Variants in KCNIP4 observed in about 807,000 individuals in gnomAD.
The protein encoded by KCNIP4 is potassium voltage-gated channel interacting protein 4, also known as Kv channel-interacting protein 4.
In KCNIP4, 12 loss-of-function variants were observed where a neutral mutation model predicts 34.0. The ratio of observed to expected loss-of-function variants is 0.35; its 90% CI spans 0.23 to 0.57. The LOEUF is 0.57. KCNIP4 is among the 20% of genes least tolerant of loss of function. The probability of loss-of-function intolerance (pLI) is 0.83; values close to 1 mark genes in which losing one functional copy is unlikely to be tolerated. For missense variants in KCNIP4, 238 were observed against 311.7 expected, an observed-to-expected ratio of 0.76 and a Z score of 1.78; for synonymous variants, 124 against 102.2, an observed-to-expected ratio of 1.21 and a Z score of -1.29.
intron 1 of KCNIP4, among the ~76,000 whole-genome samples, chr4:21,553,446 G>T (rs1203754207): frequency 6.6e-6 from 1 of 152,136 alleles, no homozygotes. Context: ...TAATGCCAAT[G>T]CTAGAGGCAT....
chr4:20,863,440 G>A (rs73242535), intron 2 of KCNIP4, among the ~76,000 whole-genome samples: 9,919 of 152,240 alleles, frequency 0.065, 411 homozygotes, highest in Middle Eastern at 0.11. Flanking sequence ...TGATCCCCAG[G>A]AGCAATTTGG....
chr4:20,749,765 A>G (rs1442757474), intron 4 of KCNIP4, 33 bp from the exon 5 acceptor site: 6 of 1,455,096 alleles, frequency 4.1e-6, no homozygotes, highest in Non-Finnish European at 5.8e-6. Flanking sequence ...TCATTAAGTC[A>G]GTGTTTCCAT....
intron 1 of KCNIP4, among the ~76,000 whole-genome samples, chr4:21,225,835 T>C (rs1758341763): frequency 1.3e-5 from 2 of 152,120 alleles, no homozygotes; most frequent in Non-Finnish European, 2.9e-5. Flanking sequence ...CAAGATAGGC[T>C]TAGTCAACTT....
At position 21,593,119 on chromosome 4, in the gene KCNIP4, T is replaced by TTTGTGTGTGTG. The variant is rs1560543855; in HGVS notation, c.61+355451_61+355452insCACACACACAA. ...ATTTAAATAATGTGTGTGTGTGTGT[T>TTTGTGTGTGTG]TGTGTGTGTGTGTGTGTGTGTGTGT... is the stretch of plus-strand genomic sequence containing the variant. On this transcript the variant is annotated intron_variant, in intron 1 of 8. Coordinates refer to ENST00000382152, the MANE Select transcript of KCNIP4 (RefSeq NM_025221.6). Among the ~76,000 whole-genome samples the TTTGTGTGTGTG allele has an allele frequency of 6.8e-3, 920 of 134,968 alleles. 10 individuals are homozygous for TTTGTGTGTGTG. The highest frequency in any genetic ancestry group is 0.022 in the African/African-American group (837 of 37,372). 88.5% of individuals were successfully genotyped at this position (134,968 alleles called of 152,430 possible).
At chr4:21,586,750 T>C (rs1741648360) in intron 1 of KCNIP4, among the ~76,000 whole-genome samples, 1 of 152,064 alleles carries the variant, frequency 6.6e-6, no homozygotes. Context: ...TCCAAGTCCA[T>C]TTATAAAAAT....
chr4:21,022,359 A>T (rs921484752), intron 1 of KCNIP4, among the ~76,000 whole-genome samples: 10 of 152,176 alleles, frequency 6.6e-5, no homozygotes, highest in African/African-American at 2.2e-4. Context: ...ACTCAAACCC[A>T]TTCTTTTTTC....
intron 1 of KCNIP4, among the ~76,000 whole-genome samples, chr4:21,776,303 G>C (rs1719173982): frequency 6.6e-6 from 1 of 152,088 alleles, no homozygotes; most frequent in Admixed American, 6.6e-5. Context: ...TACCTTGGTT[G>C]CTGGTGAAGA....
At chr4:21,616,929 A>G (rs1744649014) in intron 1 of KCNIP4, among the ~76,000 whole-genome samples, 1 of 152,216 alleles carries the variant, frequency 6.6e-6, no homozygotes, top group Non-Finnish European at 1.5e-5. Flanking sequence ...TTTTTAGAGA[A>G]CAAAATTCAC....
chr4:21,844,181 T>C (rs1189670318), intron 1 of KCNIP4: 2 of 151,992 alleles, frequency 1.3e-5, no homozygotes, highest in East Asian at 3.8e-4. Context: ...TTAGGACACA[T>C]ATACACAAGC....
rs77806910 is a variant in KCNIP4, at chr4:20,859,927, G to A, written c.164-9260C>T. Among the ~76,000 whole-genome samples the A allele has an allele frequency of 8.3e-3, 1,258 of 152,312 alleles. 12 individuals are homozygous for A. The highest frequency in any genetic ancestry group is 0.062 in the East Asian group (321 of 5,172). ...AAAGCTGATTCAGAACTCAGGCCAT[G>A]TGTGCAGAGATGAGTCCTTGCCTAT... On this transcript the variant is annotated intron_variant, in intron 2 of 8. Transcript: ENST00000382152.
intron 1 of KCNIP4, among the ~76,000 whole-genome samples, chr4:21,603,657 A>AG (rs1288608232): frequency 6.6e-6 from 1 of 152,136 alleles, no homozygotes; most frequent in African/African-American, 2.4e-5. Flanking sequence ...AGTGGCCATG[A>AG]ATCTTCCAAT....
intron 1 of KCNIP4, among the ~76,000 whole-genome samples, chr4:21,630,565 G>T: frequency 6.6e-6 from 1 of 151,792 alleles, no homozygotes; most frequent in African/African-American, 2.4e-5. Context: ...TACTTACTCT[G>T]CTTTTTTCTC....
At chr4:21,495,192 T>A (rs544722885) in intron 1 of KCNIP4, among the ~76,000 whole-genome samples, 1 of 150,110 alleles carries the variant, frequency 6.7e-6, no homozygotes, top group South Asian at 2.1e-4. Flanking sequence ...GATGTTAGGA[T>A]GTTGGGTTTG....
intron 1 of KCNIP4, among the ~76,000 whole-genome samples, chr4:21,778,896 T>C (rs374797039): frequency 3.3e-5 from 5 of 152,144 alleles, no homozygotes; most frequent in African/African-American, 1.2e-4. Flanking sequence ...GGCAATTCTG[T>C]AGCTCTCTTT....
chr4:21,569,084 C>T (rs1224149119), intron 1 of KCNIP4, among the ~76,000 whole-genome samples: 1 of 151,614 alleles, frequency 6.6e-6, no homozygotes, highest in Non-Finnish European at 1.5e-5. Flanking sequence ...GCCTCCAAAC[C>T]TGTGAGACAA....
chr4:21,512,187 AC>A (rs1225805416), intron 1 of KCNIP4, among the ~76,000 whole-genome samples: 4 of 140,096 alleles, frequency 2.9e-5, no homozygotes, highest in African/African-American at 8.6e-5. Flanking sequence ...GAAGGAACGA[AC>A]GAAGGAACGA....
At chr4:21,665,821 T>C (rs1748898259) in intron 1 of KCNIP4, among the ~76,000 whole-genome samples, 1 of 152,170 alleles carries the variant, frequency 6.6e-6, no homozygotes, top group Non-Finnish European at 1.5e-5. Flanking sequence ...TATTTCCCAC[T>C]TGCAGGACCA....
At chr4:21,594,599 G>A (rs1464997771) in intron 1 of KCNIP4, among the ~76,000 whole-genome samples, 1 of 151,888 alleles carries the variant, frequency 6.6e-6, no homozygotes, top group Non-Finnish European at 1.5e-5. Flanking sequence ...GAAGGTAGGA[G>A]GGAAGAGAGA....
intron 1 of KCNIP4, among the ~76,000 whole-genome samples, chr4:21,216,137 G>C (rs1298199931): frequency 6.6e-6 from 1 of 152,186 alleles, no homozygotes; most frequent in African/African-American, 2.4e-5. Flanking sequence ...GTTGAGAAAT[G>C]ACTTTGCGTT....
Sources: gnomAD v4.1 joint callset for allele counts (sites outside exome capture counted in the v4.1 genomes callset) on GRCh38, gnomAD v4.1.1 for gene constraint, MANE v1.5 for transcripts, NCBI Gene and HGNC (gene_info 2026-07-23, HGNC 2026-07-21) for gene names.